Variants in ERBB4 observed in about 807,000 individuals in gnomAD.
The protein encoded by ERBB4 is receptor tyrosine-protein kinase erbB-4.
In ERBB4, 42 loss-of-function variants were observed where a neutral mutation model predicts 158.0. That is an observed-to-expected ratio of 0.27 (90% CI 0.21 to 0.34). The LOEUF (loss-of-function observed/expected upper bound fraction) is 0.34. ERBB4 is among the 10% of genes least tolerant of loss of function. ERBB4 has a pLI of 1.00. For missense variants in ERBB4, 1,333 were observed against 1,624.1 expected (o/e 0.82, Z 3.08); for synonymous variants, 583 against 558.7 (o/e 1.04, Z -0.61).
chr2:211,900,905 T>A (rs1052104336), intron 3 of ERBB4, among the ~76,000 whole-genome samples: 2 of 152,164 alleles, frequency 1.3e-5, no homozygotes, highest in Non-Finnish European at 2.9e-5. Context: ...CAGGCTATCA[T>A]CTCCTCTATT....
At chr2:212,485,052 C>T (rs955178832) in intron 1 of ERBB4, among the ~76,000 whole-genome samples, 1 of 152,124 alleles carries the variant, frequency 6.6e-6, no homozygotes, top group African/African-American at 2.4e-5. Context: ...CTAGAGGGAA[C>T]AGGAAAGCTA....
intron 3 of ERBB4, among the ~76,000 whole-genome samples, chr2:211,922,536 G>A (rs933499127): frequency 1.3e-5 from 2 of 152,078 alleles, no homozygotes; most frequent in Admixed American, 6.6e-5. Context: ...CCAAGGCACT[G>A]TTAAATAGTG....
intron 1 of ERBB4, among the ~76,000 whole-genome samples, chr2:212,127,557 A>C (rs1436649471): frequency 4.6e-5 from 7 of 152,152 alleles, no homozygotes; most frequent in Non-Finnish European, 8.8e-5. Context: ...GCGCCACTGC[A>C]CTCCAGCCTG....
intron 2 of ERBB4, among the ~76,000 whole-genome samples, chr2:211,953,502 C>T (rs1352861963): frequency 6.8e-6 from 1 of 146,778 alleles, no homozygotes; most frequent in Non-Finnish European, 1.5e-5. Context: ...AAGAAGAATG[C>T]CCTAGCAAAG....
At chr2:212,033,760 T>C (rs1217939852) in intron 2 of ERBB4, among the ~76,000 whole-genome samples, 1 of 151,862 alleles carries the variant, frequency 6.6e-6, no homozygotes, top group Non-Finnish European at 1.5e-5. Flanking sequence ...TTAGTTTAAT[T>C]TAATATAATC....
At chr2:212,401,237 G>A (rs1428964089) in intron 1 of ERBB4, among the ~76,000 whole-genome samples, 2 of 152,008 alleles carry the variant, frequency 1.3e-5, no homozygotes, top group Non-Finnish European at 2.9e-5. Flanking sequence ...AGTCTTGAAC[G>A]AGACTTAACT....
Position 211,383,638 on chromosome 2 carries a change from T to C in ERBB4, c.3904A>G (p.Arg1302Gly), listed in dbSNP as rs1466199554. The part of the protein sequence containing the change: ...PGTVLPPPPY[R>G]HRNTVV Reference sequence around the variant, plus strand: ...GCTTACACCACAGTATTCCGGTGTCTGTAAGGTGGAGGCGGCAGCACAGTG... The same window carrying C: ...GCTTACACCACAGTATTCCGGTGTCCGTAAGGTGGAGGCGGCAGCACAGTG... Residue 1302 changes from arginine (R) to glycine (G), a missense_variant, in exon 28 of 28, where the codon AGA becomes GGA. By Grantham distance (125) the Arg-to-Gly change is moderately radical (BLOSUM62 -2). Around this residue, in one of 5 missense-constraint regions of ERBB4, gnomAD observed 84 missense variants for 110.8 expected, o/e 0.76. Transcript: ENST00000342788. 6 of 1,613,348 alleles carry C rather than the reference T, an allele frequency of 3.7e-6. No individual in the cohort carries two copies. Among genetic ancestry groups the C allele is most frequent in the African/African-American group, 1.3e-5 (1 of 74,876 alleles).
chr2:211,818,365 A>G (rs1226283663), intron 3 of ERBB4, among the ~76,000 whole-genome samples: 1 of 152,116 alleles, frequency 6.6e-6, no homozygotes, highest in Non-Finnish European at 1.5e-5. Context: ...ATCAGATACA[A>G]TATGGCAAGG....
intron 1 of ERBB4, among the ~76,000 whole-genome samples, chr2:212,169,435 T>C (rs1380877840): frequency 1.3e-5 from 2 of 152,152 alleles, no homozygotes; most frequent in African/African-American, 4.8e-5. Context: ...TAATGAATGA[T>C]GCTGGGAGAA....
chr2:212,287,058 G>A (rs994336570), intron 1 of ERBB4, among the ~76,000 whole-genome samples: 2 of 151,754 alleles, frequency 1.3e-5, no homozygotes, highest in African/African-American at 2.4e-5. Flanking sequence ...CAACGACCTT[G>A]CTCCACAGGT....
At chr2:212,087,050 T>C (rs1007944011) in intron 2 of ERBB4, among the ~76,000 whole-genome samples, 1 of 151,972 alleles carries the variant, frequency 6.6e-6, no homozygotes, top group African/African-American at 2.4e-5. Flanking sequence ...ATCTTCCTGC[T>C]TCGGTGATGC....
intron 3 of ERBB4, among the ~76,000 whole-genome samples, chr2:211,923,020 T>C (rs1189745506): frequency 2.6e-5 from 4 of 152,136 alleles, no homozygotes; most frequent in Non-Finnish European, 5.9e-5. Context: ...GCTTTGGAGA[T>C]GTTAAAATAG....
chr2:211,858,969 A>G (rs191578208), intron 3 of ERBB4, among the ~76,000 whole-genome samples: 96 of 152,094 alleles, frequency 6.3e-4, no homozygotes, highest in Admixed American at 1.0e-3. Flanking sequence ...TTTAATAGAG[A>G]CAGGGTTTCA....
intron 20 of ERBB4, among the ~76,000 whole-genome samples, chr2:211,476,765 T>C (rs1456634150): frequency 6.6e-6 from 1 of 152,046 alleles, no homozygotes; most frequent in African/African-American, 2.4e-5. Flanking sequence ...AACCTGAATT[T>C]GATTGTGCCT....
chr2:212,535,576 T>C (rs79193523), intron 1 of ERBB4, among the ~76,000 whole-genome samples: 4 of 152,208 alleles, frequency 2.6e-5, no homozygotes, highest in Non-Finnish European at 4.4e-5. Flanking sequence ...AATGCTACTA[T>C]ACATTTTCTT....
intron 1 of ERBB4, among the ~76,000 whole-genome samples, chr2:212,372,671 C>A (rs564457447): frequency 6.6e-6 from 1 of 152,294 alleles, no homozygotes; most frequent in Admixed American, 6.5e-5. Flanking sequence ...ATCGCTTGAA[C>A]TTGGGAGGCA....
intron 1 of ERBB4, among the ~76,000 whole-genome samples, chr2:212,338,248 A>G (rs1240353841): frequency 6.6e-6 from 1 of 152,014 alleles, no homozygotes; most frequent in Non-Finnish European, 1.5e-5. Flanking sequence ...TCTATTTTCT[A>G]GCAGACATGA....
chr2:211,755,374 C>T (rs775414395), intron 4 of ERBB4, among the ~76,000 whole-genome samples: 7 of 152,074 alleles, frequency 4.6e-5, no homozygotes, highest in Non-Finnish European at 7.3e-5. Context: ...TGTTGGCGCA[C>T]GCCTGCTGTC....
chr2:212,302,357 ATAGAG>A (rs1403024312), intron 1 of ERBB4, among the ~76,000 whole-genome samples: 1 of 151,248 alleles, frequency 6.6e-6, no homozygotes, highest in African/African-American at 2.4e-5. Flanking sequence ...GACATAAGCT[ATAGAG>A]TAGACATAAG....
Sources: gnomAD v4.1 joint callset for allele counts (sites outside exome capture counted in the v4.1 genomes callset) on GRCh38, gnomAD v4.1.1 for gene constraint, gnomAD v4.1.1 regional missense constraint, MANE v1.5 for transcripts, NCBI Gene and HGNC (gene_info 2026-07-23, HGNC 2026-07-21) for gene names.